The following RIT2 variants were observed in gnomAD, a reference collection of about 807,000 sequenced individuals.
RIT2 encodes the protein GTP-binding protein Rit2.
A neutral mutation model predicts 23.7 loss-of-function variants in RIT2; 24 were observed. The observed-to-expected ratio is 1.01, with a 90% CI of 0.73 to 1.43. The LOEUF (loss-of-function observed/expected upper bound fraction) is 1.43. Ranked by LOEUF, RIT2 falls within the 40% of genes most tolerant of loss-of-function variation. The probability of loss-of-function intolerance (pLI) is 0.00; values close to 1 mark genes in which losing one functional copy is unlikely to be tolerated. For missense variants in RIT2, 236 were observed against 266.9 expected, an observed-to-expected ratio of 0.88 and a Z score of 0.81; for synonymous variants, 107 against 91.1, an observed-to-expected ratio of 1.17 and a Z score of -0.99.
chr18:43,061,277 A>G (rs2144322781), intron 1 of RIT2, among the ~76,000 whole-genome samples: 1 of 152,268 alleles, frequency 6.6e-6, no homozygotes, highest in South Asian at 2.1e-4. Context: ...ACTAATATAT[A>G]ATAGTAATCC....
At chr18:43,073,264 G>C (rs1447599300) in intron 1 of RIT2, among the ~76,000 whole-genome samples, 1 of 152,152 alleles carries the variant, frequency 6.6e-6, no homozygotes, top group African/African-American at 2.4e-5. Flanking sequence ...TCCTCCACTT[G>C]TTTGCCGTTT....
chr18:43,108,406 A>G (rs1913879078), intron 1 of RIT2, among the ~76,000 whole-genome samples: 1 of 152,056 alleles, frequency 6.6e-6, no homozygotes, highest in South Asian at 2.1e-4. Flanking sequence ...CGCAGACAGT[A>G]AAGCCTTCCT....
chr18:42,760,117 T>C (rs1288177075), intron 4 of RIT2, among the ~76,000 whole-genome samples: 2 of 152,136 alleles, frequency 1.3e-5, no homozygotes, highest in Non-Finnish European at 2.9e-5. Context: ...TCTTTGATAA[T>C]AGAATATATG....
chr18:42,891,018 G>C (rs1908158484), intron 4 of RIT2, among the ~76,000 whole-genome samples: 1 of 152,086 alleles, frequency 6.6e-6, no homozygotes, highest in Non-Finnish European at 1.5e-5. Flanking sequence ...GGGTGCATGA[G>C]GAGGTTGAAT....
chr18:43,031,256 G>A (rs1432175559), intron 2 of RIT2, among the ~76,000 whole-genome samples: 1 of 151,512 alleles, frequency 6.6e-6, no homozygotes, highest in African/African-American at 2.4e-5. Context: ...ACAAAATTAT[G>A]GCAGGCAATT....
rs551367214 is a variant in RIT2, at chr18:42,786,290, T to G, written c.427-42570A>C. On this transcript the variant is annotated intron_variant, in intron 4 of 4. Coordinates refer to ENST00000326695, the MANE Select transcript of RIT2 (RefSeq NM_002930.4). The stretch of plus-strand genomic sequence containing the variant: ...ACAAGGGGTCTGAATTTATTCTAGA[T>G]AGCTGTCACTTTGATATCTATCTTC... Among the ~76,000 whole-genome samples, 21 of 152,310 alleles carry G rather than the reference T, an allele frequency of 1.4e-4. 1 individual carries two copies. In the Middle Eastern group the frequency reaches 0.01, roughly 74 times the overall value.
chr18:42,960,589 A>G (rs1910073704), intron 3 of RIT2, among the ~76,000 whole-genome samples: 1 of 152,184 alleles, frequency 6.6e-6, no homozygotes, highest in African/African-American at 2.4e-5. Flanking sequence ...TGCTGGGATT[A>G]CAGGCGTGAG....
intron 4 of RIT2, among the ~76,000 whole-genome samples, chr18:42,831,923 C>T (rs1444120962): frequency 2.6e-5 from 4 of 152,180 alleles, no homozygotes; most frequent in Admixed American, 6.5e-5. Context: ...TACACTAATC[C>T]TGTAGCTTCT....
At chr18:43,012,412 C>A (rs962994837) in intron 2 of RIT2, among the ~76,000 whole-genome samples, 2 of 151,636 alleles carry the variant, frequency 1.3e-5, no homozygotes, top group African/African-American at 4.8e-5. Flanking sequence ...TACAACAGAG[C>A]TGTCTTGTTT....
chr18:42,750,200 TTCTC>T (rs1913013508), intron 4 of RIT2, among the ~76,000 whole-genome samples: 1 of 151,796 alleles, frequency 6.6e-6, no homozygotes, highest in Non-Finnish European at 1.5e-5. Flanking sequence ...CCACATCCAG[TTCTC>T]TCTATTTTTA....
intron 3 of RIT2, among the ~76,000 whole-genome samples, chr18:42,946,032 C>T (rs115256347): frequency 6.0e-4 from 92 of 152,154 alleles, no homozygotes; most frequent in African/African-American, 2.2e-3. Flanking sequence ...ATTTTAAACG[C>T]TGTGAATACT....
At chr18:42,749,713 T>G (rs1913001669) in intron 4 of RIT2, among the ~76,000 whole-genome samples, 1 of 151,710 alleles carries the variant, frequency 6.6e-6, no homozygotes, top group Non-Finnish European at 1.5e-5. Context: ...AAATATTAGG[T>G]GAAGGAATAA....
intron 4 of RIT2, among the ~76,000 whole-genome samples, chr18:42,815,520 G>A (rs1905970395): frequency 6.6e-6 from 1 of 152,190 alleles, no homozygotes; most frequent in Non-Finnish European, 1.5e-5. Flanking sequence ...AGGAAAAAGA[G>A]AAGCCTGAAA....
At chr18:42,800,521 T>TC (rs1340256205) in intron 4 of RIT2, among the ~76,000 whole-genome samples, 2 of 75,976 alleles carry the variant, frequency 2.6e-5, no homozygotes, top group Non-Finnish European at 4.3e-5. Flanking sequence ...TTACATTCTT[T>TC]TTTTTTTTTT....
chr18:42,947,323 G>T (rs551439424), intron 3 of RIT2, among the ~76,000 whole-genome samples: 1 of 152,210 alleles, frequency 6.6e-6, no homozygotes, highest in East Asian at 1.9e-4. Context: ...TTGACAGCTG[G>T]ATTGATTAAT....
chr18:43,079,439 A>T (rs1302748430), intron 1 of RIT2, among the ~76,000 whole-genome samples: 1 of 152,336 alleles, frequency 6.6e-6, no homozygotes, highest in South Asian at 2.1e-4. Context: ...TCAAGCAAAC[A>T]TATTTTTCAG....
At chr18:42,962,596 TTGC>T (rs1349712970) in intron 3 of RIT2, among the ~76,000 whole-genome samples, 2 of 152,214 alleles carry the variant, frequency 1.3e-5, no homozygotes, top group Non-Finnish European at 2.9e-5. Flanking sequence ...TCAAACAGCT[TTGC>T]TTCAAAGTAG....
At chr18:43,098,686 T>G (rs1274858425) in intron 1 of RIT2, among the ~76,000 whole-genome samples, 1 of 151,968 alleles carries the variant, frequency 6.6e-6, no homozygotes, top group Non-Finnish European at 1.5e-5. Context: ...AGGATTTTAT[T>G]TATAAGAATT....
At chr18:43,110,501 C>A (rs1192512092) in intron 1 of RIT2, among the ~76,000 whole-genome samples, 1 of 151,988 alleles carries the variant, frequency 6.6e-6, no homozygotes, top group Admixed American at 6.6e-5. Flanking sequence ...TGACAAAGGT[C>A]AATATTTGAA....
Sources: allele counts gnomAD v4.1 joint callset (sites outside exome capture counted in the v4.1 genomes callset), GRCh38; gene constraint gnomAD v4.1.1; transcripts MANE v1.5; gene names NCBI Gene and HGNC (gene_info 2026-07-23, HGNC 2026-07-21).